The following SUPT3H variants were observed in gnomAD, a reference collection of about 807,000 sequenced individuals.
SUPT3H encodes SPT3 homolog, SAGA and STAGA complex component.
Under a neutral mutation model 44.3 loss-of-function variants are expected in SUPT3H, and 44 were observed. The ratio of observed to expected loss-of-function variants is 0.99; its 90% confidence interval spans 0.78 to 1.28. SUPT3H has a LOEUF of 1.28. Among genes scored for constraint, SUPT3H ranks in the 50% most tolerant of loss-of-function variants. SUPT3H has a pLI of 0.00. For missense variants in SUPT3H, 380 were observed against 387.1 expected, an observed-to-expected ratio of 0.98 and a Z score of 0.15; for synonymous variants, 124 against 125.6, an observed-to-expected ratio of 0.99 and a Z score of 0.09.
intron 3 of SUPT3H, among the ~76,000 whole-genome samples, chr6:45,026,972 T>C: frequency 6.7e-6 from 1 of 150,166 alleles, no homozygotes. Flanking sequence ...CTTCTACTCT[T>C]CTGCTTTGGA....
chr6:45,178,233 G>C (rs1230569529), intron 2 of SUPT3H, among the ~76,000 whole-genome samples: 1 of 152,024 alleles, frequency 6.6e-6, no homozygotes, highest in Non-Finnish European at 1.5e-5. Context: ...GATCTACCAA[G>C]CAAATGGAAA....
chr6:44,859,520 G>T (rs1774267474), intron 10 of SUPT3H, among the ~76,000 whole-genome samples: 1 of 152,038 alleles, frequency 6.6e-6, no homozygotes, highest in African/African-American at 2.4e-5. Context: ...TTGTAGTAAA[G>T]CTATCATACT....
intron 3 of SUPT3H, among the ~76,000 whole-genome samples, chr6:45,039,048 A>C (rs918292505): frequency 6.6e-6 from 1 of 152,180 alleles, no homozygotes; most frequent in East Asian, 1.9e-4. Flanking sequence ...GATTTGAAAG[A>C]GCTATTTCAC....
intron 10 of SUPT3H, among the ~76,000 whole-genome samples, chr6:44,831,897 A>AT (rs573022088): frequency 8.6e-5 from 13 of 151,916 alleles, no homozygotes; most frequent in East Asian, 5.8e-4. Context: ...CAAACAAAAG[A>AT]TTTTTTTTTA....
chr6:45,350,608 G>A (rs1288463049), intron 2 of SUPT3H, among the ~76,000 whole-genome samples: 1 of 152,156 alleles, frequency 6.6e-6, no homozygotes, highest in Non-Finnish European at 1.5e-5. Context: ...ATAGGGGGAT[G>A]AAAACTAACT....
chr6:44,973,860 A>T (rs1777938212), intron 6 of SUPT3H, among the ~76,000 whole-genome samples: 1 of 152,180 alleles, frequency 6.6e-6, no homozygotes, highest in Admixed American at 6.5e-5. Context: ...AGATCTCCTG[A>T]GAACTCACTT....
At chr6:45,102,543 C>A (rs557460292) in intron 3 of SUPT3H, among the ~76,000 whole-genome samples, 35 of 151,952 alleles carry the variant, frequency 2.3e-4, no homozygotes, top group South Asian at 2.1e-3. Flanking sequence ...GCAAAAAAAA[C>A]CCCAAAAGAA....
intron 5 of SUPT3H, 140 bp from the exon 6 acceptor site, chr6:45,003,932 T>C (rs1275428405): frequency 8.3e-6 from 8 of 962,244 alleles, no homozygotes; most frequent in African/African-American, 1.7e-5. Flanking sequence ...AATTCTTGCA[T>C]TCAAAATAAA....
chr6:44,863,580 G>C (rs1229551597), intron 10 of SUPT3H, among the ~76,000 whole-genome samples: 1 of 152,150 alleles, frequency 6.6e-6, no homozygotes, highest in Non-Finnish European at 1.5e-5. Context: ...ATTAAGTGGA[G>C]TCTTTGAGGA....
At chr6:45,376,166 G>A (rs1393365443) in intron 1 of SUPT3H, among the ~76,000 whole-genome samples, 1 of 152,128 alleles carries the variant, frequency 6.6e-6, no homozygotes, top group Non-Finnish European at 1.5e-5. Context: ...TACAACCTAG[G>A]AGACAACGTT....
intron 2 of SUPT3H, among the ~76,000 whole-genome samples, chr6:45,279,152 C>T (rs906687787): frequency 1.3e-5 from 2 of 152,066 alleles, no homozygotes; most frequent in South Asian, 4.1e-4. Flanking sequence ...TTAAAAACAG[C>T]CTTCAAATAT....
chr6:44,869,681 C>G (rs1776054789), intron 10 of SUPT3H, among the ~76,000 whole-genome samples: 1 of 152,210 alleles, frequency 6.6e-6, no homozygotes, highest in South Asian at 2.1e-4. Flanking sequence ...ATCCCTTGCT[C>G]TAAGACTCCT....
intron 2 of SUPT3H, among the ~76,000 whole-genome samples, chr6:45,187,180 G>A (rs1037152876): frequency 4.0e-5 from 6 of 151,018 alleles, no homozygotes; most frequent in South Asian, 2.1e-4. Flanking sequence ...TCTGGGAGGC[G>A]GAGGCAGGTG....
chr6:45,337,588 C>T (rs1422074226), intron 2 of SUPT3H, among the ~76,000 whole-genome samples: 1 of 151,826 alleles, frequency 6.6e-6, no homozygotes, highest in African/African-American at 2.4e-5. Flanking sequence ...AAACAACGGA[C>T]TACCTGTTCT....
intron 2 of SUPT3H, 62 bp downstream of exon 2, chr6:45,365,132 ATGTCTAT>A (rs1794908874): frequency 1.1e-6 from 1 of 896,962 alleles, no homozygotes; most frequent in Non-Finnish European, 1.7e-6. Flanking sequence ...AAATGTTGTT[ATGTCTAT>A]TGTCTTTCAA....
At chr6:44,863,309 T>C (rs1344104709) in intron 10 of SUPT3H, among the ~76,000 whole-genome samples, 1 of 152,148 alleles carries the variant, frequency 6.6e-6, no homozygotes, top group Non-Finnish European at 1.5e-5. Context: ...ACACACAGTA[T>C]TTGTGGGTGA....
chr6:45,146,269 A>T (rs1806051506), intron 2 of SUPT3H, among the ~76,000 whole-genome samples: 1 of 152,194 alleles, frequency 6.6e-6, no homozygotes, highest in East Asian at 1.9e-4. Context: ...ACCGGCCTAA[A>T]TGCCCATCAA....
At chr6:45,031,872 T>C (rs1432202434) in intron 3 of SUPT3H, among the ~76,000 whole-genome samples, 3 of 151,998 alleles carry the variant, frequency 2.0e-5, no homozygotes, top group Non-Finnish European at 1.5e-5. Flanking sequence ...TGAAAGGAAG[T>C]ATGGGGTTGG....
intron 11 of SUPT3H, among the ~76,000 whole-genome samples, chr6:44,814,830 C>T (rs543375706): frequency 6.6e-6 from 1 of 152,198 alleles, no homozygotes; most frequent in African/African-American, 2.4e-5. Flanking sequence ...GTGTGCGTCA[C>T]CACGCCTGGA....
Sources: gnomAD v4.1 joint callset for allele counts (sites outside exome capture counted in the v4.1 genomes callset) on GRCh38, gnomAD v4.1.1 for gene constraint, MANE v1.5 for transcripts, NCBI Gene and HGNC (gene_info 2026-07-23, HGNC 2026-07-21) for gene names.